XPR1: variants seen among roughly 807,000 people sequenced by gnomAD.
The protein encoded by XPR1 is xenotropic and polytropic retrovirus receptor 1.
A neutral mutation model predicts 87.5 loss-of-function variants in XPR1; 28 were observed. The observed-to-expected ratio is 0.32, with a 90% CI of 0.24 to 0.44. The LOEUF (loss-of-function observed/expected upper bound fraction) is 0.44, where lower values mean the gene tolerates loss of function less well. Ranked by LOEUF, XPR1 falls within the 20% of genes least tolerant of loss-of-function variation. The pLI is 1.00. For missense variants in XPR1, 559 were observed against 862.3 expected (o/e 0.65, Z 4.41); for synonymous variants, 300 against 306.1 (o/e 0.98, Z 0.21).
At chr1:180,713,218 T>G (rs1657867944) in intron 2 of XPR1, among the ~76,000 whole-genome samples, 1 of 152,162 alleles carries the variant, frequency 6.6e-6, no homozygotes, top group Admixed American at 6.5e-5. Flanking sequence ...TCAGATTTAT[T>G]TCTAAGTATT....
At chr1:180,754,543 C>T (rs976779401) in intron 2 of XPR1, among the ~76,000 whole-genome samples, 1 of 152,130 alleles carries the variant, frequency 6.6e-6, no homozygotes, top group Admixed American at 6.5e-5. Flanking sequence ...TCACTGCATC[C>T]TCAACCTCCT....
At chr1:180,822,545 A>G (rs1235999682) in intron 7 of XPR1, among the ~76,000 whole-genome samples, 1 of 152,188 alleles carries the variant, frequency 6.6e-6, no homozygotes. Context: ...GTTGTTCATC[A>G]CTGAATTGCT....
At chr1:180,683,417 T>A (rs1472141303) in intron 2 of XPR1, among the ~76,000 whole-genome samples, 1 of 152,150 alleles carries the variant, frequency 6.6e-6, no homozygotes, top group Non-Finnish European at 1.5e-5. Context: ...ATAGTGCTGC[T>A]ATAAACATAC....
At chr1:180,709,251 A>C (rs953134247) in intron 2 of XPR1, among the ~76,000 whole-genome samples, 21 of 152,218 alleles carry the variant, frequency 1.4e-4, no homozygotes, top group African/African-American at 3.9e-4. Flanking sequence ...AGCAGCTTTT[A>C]TCTCTCCTGG....
chr1:180,732,926 T>C (rs1199985640), intron 2 of XPR1, among the ~76,000 whole-genome samples: 2 of 152,122 alleles, frequency 1.3e-5, no homozygotes, highest in African/African-American at 2.4e-5. Context: ...AGAAGGGAGA[T>C]GGAGTGGGAA....
rs145195917 is a variant in XPR1 at position 180,880,297 on chromosome 1, A to G, written c.2030A>G (p.Gln677Arg). The G allele has an allele frequency of 2.5e-6, 4 of 1,613,930 alleles. No homozygotes were observed. In the African/African-American group the frequency reaches 4.0e-5, roughly 16 times the overall value. ...CTGCGCCGGCCTCGCCTCGCTTCTC[A>G]GTATGTATGGCTTCTACTTCTGTGA... ...ISLRRPRLASQSKARDTKVLI... is the reference protein window; with the variant it reads ...ISLRRPRLASRSKARDTKVLI... Residue 677 changes from glutamine to arginine, a missense_variant and splice_region_variant, in exon 14 of 15, where the codon CAA becomes CGA. This residue lies in a region of XPR1 where 80 missense variants were observed against 99.5 expected (regional missense o/e 0.80). Coordinates refer to ENST00000367590, the MANE Select transcript of XPR1 (RefSeq NM_004736.4).
intron 2 of XPR1, among the ~76,000 whole-genome samples, chr1:180,704,144 CT>C (rs1244066600): frequency 1.3e-5 from 2 of 149,578 alleles, no homozygotes; most frequent in Non-Finnish European, 3.0e-5. Context: ...TTTCTGTTCT[CT>C]TTATTTACAG....
chr1:180,883,919 G>C, intron 14 of XPR1, 87 bp from the exon 15 acceptor site: 1 of 1,196,396 alleles, frequency 8.4e-7, no homozygotes, highest in Admixed American at 1.9e-5. Context: ...TTTAATGATG[G>C]TAAGACTGGA....
intron 1 of XPR1, among the ~76,000 whole-genome samples, chr1:180,635,551 G>T (rs1258775049): frequency 1.3e-5 from 2 of 152,056 alleles, no homozygotes; most frequent in Non-Finnish European, 2.9e-5. Flanking sequence ...ATTTTTTTCA[G>T]TGTATCCTTT....
Position 180,741,924 on chromosome 1 carries a change from T to C in XPR1, c.122-45829T>C, listed in dbSNP as rs1658934985. 1.3e-5 allele frequency among the ~76,000 whole-genome samples: 2 copies of C among 152,256 alleles called. 1 individual carries two copies. The highest frequency in any genetic ancestry group is 1.3e-4 in the Admixed American group (2 of 15,288). The stretch of plus-strand genomic sequence containing the variant: ...TCTGTTTTATCTAAGCTGTCAAATG[T>C]ATGCACATGGAGTTGTTTGTAGTTT... On this transcript the variant is annotated intron_variant, in intron 2 of 14. Transcript: ENST00000367590.
At chr1:180,850,952 C>T (rs11809124) in intron 11 of XPR1, among the ~76,000 whole-genome samples, 4,160 of 100,292 alleles carry the variant, frequency 0.041, 71 homozygotes, top group African/African-American at 0.045. Flanking sequence ...GATTGAGACC[C>T]TGTGTCTTTA....
intron 2 of XPR1, among the ~76,000 whole-genome samples, chr1:180,728,297 T>TGG (rs55806284): frequency 0.034 from 3,191 of 94,170 alleles, 95 homozygotes; most frequent in African/African-American, 0.075. Context: ...TGTTTATAAC[T>TGG]GGGGGGGGGG....
chr1:180,648,297 GTC>G, intron 1 of XPR1, among the ~76,000 whole-genome samples: 1 of 152,192 alleles, frequency 6.6e-6, no homozygotes, highest in East Asian at 1.9e-4. Context: ...TTCTAGGTCT[GTC>G]TCTGCCATTA....
intron 7 of XPR1, among the ~76,000 whole-genome samples, chr1:180,819,544 C>G (rs1650534809): frequency 6.6e-6 from 1 of 152,122 alleles, no homozygotes; most frequent in Non-Finnish European, 1.5e-5. Flanking sequence ...ATTTTCTGTT[C>G]ATGGCAATTT....
At chr1:180,651,982 C>A (rs1476476948) in intron 1 of XPR1, among the ~76,000 whole-genome samples, 1 of 152,106 alleles carries the variant, frequency 6.6e-6, no homozygotes, top group Non-Finnish European at 1.5e-5. Flanking sequence ...TGTACTGGAG[C>A]CTGTGGCCTA....
intron 2 of XPR1, among the ~76,000 whole-genome samples, chr1:180,688,465 A>G (rs560976261): frequency 1.3e-5 from 2 of 152,220 alleles, no homozygotes; most frequent in East Asian, 3.9e-4. Context: ...TTGTAAATAT[A>G]GAATACATGG....
intron 7 of XPR1, among the ~76,000 whole-genome samples, chr1:180,817,933 A>G (rs1270420524): frequency 6.6e-6 from 1 of 152,104 alleles, no homozygotes; most frequent in Non-Finnish European, 1.5e-5. Flanking sequence ...TTAAATTCAA[A>G]AAGTTTACAT....
chr1:180,794,426 T>C (rs1558011369), intron 3 of XPR1, among the ~76,000 whole-genome samples: 1 of 152,334 alleles, frequency 6.6e-6, no homozygotes, highest in Non-Finnish European at 1.5e-5. Context: ...TTAAAAAATA[T>C]AGATAGAATA....
At chr1:180,753,193 G>GACCT (rs1647597145) in intron 2 of XPR1, among the ~76,000 whole-genome samples, 1 of 152,126 alleles carries the variant, frequency 6.6e-6, no homozygotes, top group Non-Finnish European at 1.5e-5. Flanking sequence ...CCTAGCAAAG[G>GACCT]ACCTAGCATG....
Sources: gnomAD v4.1 joint callset for allele counts (sites outside exome capture counted in the v4.1 genomes callset) on GRCh38, gnomAD v4.1.1 for gene constraint, gnomAD v4.1.1 regional missense constraint, MANE v1.5 for transcripts, NCBI Gene and HGNC (gene_info 2026-07-23, HGNC 2026-07-21) for gene names.